The following TACR3 variants were observed in gnomAD, a reference collection of about 807,000 sequenced individuals.
TACR3 encodes tachykinin receptor 3.
TACR3 carries 34 observed loss-of-function variants against 35.0 expected under a neutral mutation model. The observed-to-expected ratio is 0.97, with a 90% CI of 0.74 to 1.30. The LOEUF is 1.30. TACR3 is among the 50% of genes most tolerant of loss of function. The pLI is 0.00. For synonymous variants in TACR3, 233 were observed against 221.1 expected (o/e 1.05, Z -0.48); for missense variants, 558 against 591.7 (o/e 0.94, Z 0.59).
chr4:103,614,884 G>GTTTTTT lies in TACR3; in HGVS notation c.889-23207_889-23202dup, dbSNP rs71580414. ...TATAACCTAAGTTGATTATGAATGT[G>GTTTTTT]TTTTTTTTTTTTTTTTTTTTTTTTT... On this transcript the variant is annotated intron_variant, in intron 3 of 4. Coordinates refer to ENST00000304883, the MANE Select transcript of TACR3 (RefSeq NM_001059.3). 8.2e-4 allele frequency among the ~76,000 whole-genome samples: 59 copies of GTTTTTT among 72,054 alleles called. 9 individuals are homozygous for GTTTTTT. Among genetic ancestry groups the GTTTTTT allele is most frequent in the Non-Finnish European group, 1.1e-3 (44 of 38,618 alleles). The allele number at this position is 72,054 out of a possible 152,430, so 47.3% of individuals were successfully genotyped here. A position where few individuals can be genotyped will look rare whatever the true frequency, so the allele number is the denominator to read the frequency against.
chr4:103,655,706 C>A (rs1039405332), intron 3 of TACR3, among the ~76,000 whole-genome samples: 1 of 151,780 alleles, frequency 6.6e-6, no homozygotes, highest in Non-Finnish European at 1.5e-5. Context: ...GGAAAGAACA[C>A]ACAGAGAAAG....
chr4:103,622,431 A>AAGAT (rs1396840501), intron 3 of TACR3, among the ~76,000 whole-genome samples: 2 of 152,160 alleles, frequency 1.3e-5, no homozygotes, highest in African/African-American at 4.8e-5. Flanking sequence ...AGGACATGAA[A>AAGAT]AGATAGAAAT....
chr4:103,642,072 TAATAAC>T (rs1403844946), intron 3 of TACR3, among the ~76,000 whole-genome samples: 13 of 151,958 alleles, frequency 8.6e-5, no homozygotes, highest in Non-Finnish European at 1.2e-4. Context: ...TGACTATAGT[TAATAAC>T]AATGTATTGT....
intron 1 of TACR3, among the ~76,000 whole-genome samples, chr4:103,685,635 T>C (rs953128132): frequency 1.3e-5 from 2 of 152,122 alleles, no homozygotes; most frequent in African/African-American, 4.8e-5. Flanking sequence ...ATGCAGAATA[T>C]ATAAAGAACT....
chr4:103,614,066 T>C (rs1189751109), intron 3 of TACR3, among the ~76,000 whole-genome samples: 1 of 152,200 alleles, frequency 6.6e-6, no homozygotes, highest in Non-Finnish European at 1.5e-5. Flanking sequence ...GTTATGGCTT[T>C]AACATATGAA....
At position 103,706,652 on chromosome 4, in the gene TACR3, CG is replaced by C. The variant is rs1722799408; in HGVS notation, c.548+12475del. ...GGGGAGCATTGCAATGTGGATGTGA[CG>C]GTCATAGGTTGGTGATATTTAGAGG... On this transcript the variant is annotated intron_variant, in intron 1 of 4. Coordinates refer to ENST00000304883, the MANE Select transcript of TACR3 (RefSeq NM_001059.3). 3.3e-5 allele frequency among the ~76,000 whole-genome samples: 5 copies of C among 151,954 alleles called. No homozygotes were observed. The South Asian group carries it at 1.0e-3, about 31-fold the overall frequency.
Position 103,719,563 on chromosome 4 carries a change from T to C in TACR3, c.113A>G (p.Glu38Gly). Reference protein sequence around the residue: ...LAAGAATGAVETGWLQLLDQA... With the variant: ...LAAGAATGAVGTGWLQLLDQA... Reference sequence around the variant, plus strand: ...GTCCAGCAGTTGCAGCCACCCAGTCTCAACTGCCCCCGTGGCCGCCCCGGC... The same window carrying C: ...GTCCAGCAGTTGCAGCCACCCAGTCCCAACTGCCCCCGTGGCCGCCCCGGC... Residue 38 changes from glutamate to glycine, a missense_variant, in exon 1 of 5, where the codon GAG becomes GGG. Transcript: ENST00000304883. 6.2e-7 allele frequency: 1 copy of C among 1,609,054 alleles called. No individual in the cohort carries two copies. The highest frequency in any genetic ancestry group is 8.5e-7 in the Non-Finnish European group (1 of 1,176,480).
intron 1 of TACR3, among the ~76,000 whole-genome samples, chr4:103,669,997 G>C (rs1726021967): frequency 6.6e-6 from 1 of 151,844 alleles, no homozygotes; most frequent in African/African-American, 2.4e-5. Flanking sequence ...TTTTTATATG[G>C]TGAGAGATAG....
At chr4:103,711,598 C>T (rs1023680316) in intron 1 of TACR3, among the ~76,000 whole-genome samples, 58 of 152,272 alleles carry the variant, frequency 3.8e-4, no homozygotes, top group African/African-American at 1.3e-3. Context: ...CAGGGATGCC[C>T]TCTCTCAACA....
At chr4:103,631,551 C>T (rs1264620202) in intron 3 of TACR3, among the ~76,000 whole-genome samples, 2 of 151,986 alleles carry the variant, frequency 1.3e-5, no homozygotes, top group East Asian at 3.9e-4. Context: ...ACTTTCAGTC[C>T]TGAGGGAATT....
At chr4:103,679,014 G>T (rs1327485998) in intron 1 of TACR3, among the ~76,000 whole-genome samples, 2 of 151,912 alleles carry the variant, frequency 1.3e-5, no homozygotes, top group Non-Finnish European at 2.9e-5. Flanking sequence ...AGGGATGCCA[G>T]AAAGTTCACA....
chr4:103,627,692 A>G (rs912680026), intron 3 of TACR3, among the ~76,000 whole-genome samples: 5 of 152,038 alleles, frequency 3.3e-5, no homozygotes, highest in African/African-American at 1.2e-4. Flanking sequence ...CACAATAATA[A>G]TGGGAAACTT....
chr4:103,665,853 T>G (rs1725928377), intron 1 of TACR3, among the ~76,000 whole-genome samples: 1 of 152,186 alleles, frequency 6.6e-6, no homozygotes, highest in Admixed American at 6.6e-5. Flanking sequence ...ATACGTATGA[T>G]TTCCAAAAGA....
intron 3 of TACR3, among the ~76,000 whole-genome samples, chr4:103,599,818 G>T (rs558869806): frequency 2.2e-4 from 33 of 152,240 alleles, no homozygotes; most frequent in African/African-American, 7.9e-4. Flanking sequence ...CTTGATCATG[G>T]TGGATAAACT....
At chr4:103,667,453 A>G in intron 1 of TACR3, among the ~76,000 whole-genome samples, 1 of 152,328 alleles carries the variant, frequency 6.6e-6, no homozygotes, top group South Asian at 2.1e-4. Context: ...AATTTATTGT[A>G]TATTTCTAAA....
Position 103,586,247 on chromosome 4 carries a change from A to G in TACR3, c.*3435T>C, listed in dbSNP as rs1723770497. Reference sequence around the variant, plus strand: ...TATATATGTATGAAAACACAAAACTAATGACCTTGTACAGCCCTTCTGAAC... The same window carrying G: ...TATATATGTATGAAAACACAAAACTGATGACCTTGTACAGCCCTTCTGAAC... On this transcript the variant is annotated 3_prime_UTR_variant, in exon 5 of 5. Coordinates refer to ENST00000304883, the MANE Select transcript of TACR3 (RefSeq NM_001059.3). 1.3e-5 allele frequency: 2 copies of G among 151,806 alleles called. No individual in the cohort carries two copies. The highest frequency in any genetic ancestry group is 4.8e-5 in the African/African-American group (2 of 41,332). 9.4% of individuals were successfully genotyped at this position (151,806 alleles called of 1,614,324 possible). A position where few individuals can be genotyped will look rare whatever the true frequency, so the allele number is the denominator to read the frequency against.
chr4:103,615,376 C>CGTGT (rs3974469), intron 3 of TACR3, among the ~76,000 whole-genome samples: 214 of 143,932 alleles, frequency 1.5e-3, no homozygotes, highest in African/African-American at 4.0e-3. Context: ...TTCCTGCTAT[C>CGTGT]GTGTGTGTGT....
At chr4:103,712,318 C>G (rs1722985504) in intron 1 of TACR3, among the ~76,000 whole-genome samples, 1 of 152,146 alleles carries the variant, frequency 6.6e-6, no homozygotes. Context: ...GAAATAATAT[C>G]ACACATCTAC....
chr4:103,683,470 C>CA (rs57761679), intron 1 of TACR3, among the ~76,000 whole-genome samples: 570 of 21,124 alleles, frequency 0.027, 6 homozygotes, highest in Non-Finnish European at 0.04. Flanking sequence ...AAAGACTGAC[C>CA]AAAAAAAAAA....
Sources: allele counts gnomAD v4.1 joint callset (sites outside exome capture counted in the v4.1 genomes callset), GRCh38; gene constraint gnomAD v4.1.1; transcripts MANE v1.5; gene names NCBI Gene and HGNC (gene_info 2026-07-23, HGNC 2026-07-21).